The following RGS11 variants were observed in gnomAD, a reference collection of about 807,000 sequenced individuals.
RGS11 encodes the protein regulator of G-protein signaling 11.
RGS11 carries 86 observed loss-of-function variants against 71.1 expected under a neutral mutation model. The observed-to-expected ratio is 1.21, with a 90% confidence interval of 1.02 to 1.45. The LOEUF is 1.45. Among genes scored for constraint, RGS11 ranks in the 40% most tolerant of loss-of-function variants. The pLI is 0.00. For missense variants in RGS11, 734 were observed against 635.1 expected (o/e 1.16, Z -1.67); for synonymous variants, 298 against 254.2 (o/e 1.17, Z -1.64).
Position 271,388 on chromosome 16 carries a change from A to T in RGS11, c.749+11T>A. ...CAGGGGTCTCCAGCTGCCACCCCTC[A>T]CCCCACTCACGCCTCAAGGCAGACG... On this transcript the variant is annotated intron_variant, in intron 11 of 16. Coordinates refer to ENST00000397770, the MANE Select transcript of RGS11 (RefSeq NM_183337.3). 6.2e-7 allele frequency: 1 copy of T among 1,613,130 alleles called. No individual in the cohort carries two copies. Among genetic ancestry groups the T allele is most frequent in the Non-Finnish European group, 8.5e-7 (1 of 1,179,914 alleles).
At chr16:272,609 C>T in intron 9 of RGS11, 1 of 1,454,536 alleles carries the variant, frequency 6.9e-7, no homozygotes, top group Non-Finnish European at 9.1e-7. Flanking sequence ...CCCTTCCTCC[C>T]CGCCAGCCCC....
chr16:274,359 G>T, intron 4 of RGS11, 94 bp from the exon 5 acceptor site: 2 of 1,400,488 alleles, frequency 1.4e-6, no homozygotes, highest in Non-Finnish European at 2.0e-6. Flanking sequence ...AGAAGCCTGG[G>T]CTGGGCAGGA....
chr16:274,386 C>T (rs2052073737), intron 4 of RGS11, 121 bp from the exon 5 acceptor site: 3 of 1,034,440 alleles, frequency 2.9e-6, no homozygotes, highest in African/African-American at 3.2e-5. Flanking sequence ...TGAGGATCTC[C>T]CTGCCTGCCC....
chr16:271,496 G>A, intron 10 of RGS11, 36 bp from the exon 11 acceptor site: 2 of 1,613,992 alleles, frequency 1.2e-6, no homozygotes, highest in Non-Finnish European at 8.5e-7. Flanking sequence ...GTCCCGGGCT[G>A]GGGAAGGCAC....
At chr16:274,368 G>T in intron 4 of RGS11, 103 bp from the exon 5 acceptor site, 4 of 1,250,732 alleles carry the variant, frequency 3.2e-6, no homozygotes, top group Non-Finnish European at 4.5e-6. Context: ...GGCTGGGCAG[G>T]AGGTGTCTGA....
Position 274,042 on chromosome 16 carries a change from CCTT to C in RGS11, c.427_429del (p.Lys143del). On this transcript the variant is annotated inframe_deletion and splice_region_variant, in exon 6 of 17. Transcript: ENST00000397770. ...GGGGCGGGAAGGGTGGGGGGTCCCA[CCTT>C]CTCATAATCCACCAGGGTCCCCCGT... 1 of 1,550,302 alleles carries C rather than the reference CCTT, an allele frequency of 6.5e-7. No individual in the cohort carries two copies. Among genetic ancestry groups the C allele is most frequent in the Non-Finnish European group, 8.7e-7 (1 of 1,147,018 alleles).
At chr16:269,451 C>T (rs1470037721) in intron 16 of RGS11, 52 bp downstream of exon 16, 4 of 1,597,278 alleles carry the variant, frequency 2.5e-6, no homozygotes, top group East Asian at 4.5e-5. Flanking sequence ...CTGCAGGGCC[C>T]CAGCAGCCCC....
intron 9 of RGS11, chr16:272,191 G>T: frequency 8.6e-7 from 1 of 1,168,298 alleles, no homozygotes; most frequent in Non-Finnish European, 1.1e-6. Context: ...ACACATACTT[G>T]AGAAATACTA....
At chr16:271,148 C>T (rs111665551) in intron 12 of RGS11, 49 bp from the exon 13 acceptor site, 14 of 1,598,744 alleles carry the variant, frequency 8.8e-6, no homozygotes, top group South Asian at 6.6e-5. Context: ...GACCCTCCTG[C>T]GTCCCCCCAG....
At chr16:269,425 T>A (rs1458973772) in intron 16 of RGS11, 42 bp from the exon 17 acceptor site, 1 of 1,586,598 alleles carries the variant, frequency 6.3e-7, no homozygotes, top group Non-Finnish European at 8.6e-7. Context: ...GGCCAGCTGG[T>A]GTCCTGCCCA....
chr16:271,831 ATT>A (rs113390493), intron 9 of RGS11: 1 of 529,972 alleles, frequency 1.9e-6, no homozygotes, highest in African/African-American at 1.9e-5. Flanking sequence ...GTAATATGTC[ATT>A]TTTTTTTCTT....
chr16:275,456 C>A lies in RGS11; in HGVS notation c.106G>T (p.Val36Leu). The A allele has an allele frequency of 6.3e-7, 1 of 1,594,954 alleles. No homozygotes were observed. The highest frequency in any genetic ancestry group is 8.5e-7 in the Non-Finnish European group (1 of 1,177,486). Residue 36 changes from valine (V) to leucine (L), a missense_variant, in exon 2 of 17, where the codon GTG becomes TTG. Physicochemically the swap from Val to Leu is conservative, Grantham distance 32. Transcript: ENST00000397770. ...AGCAGGCGCTGGCTCCGCATCTTCA[C>A]GCCCTGGTCGGGGTCCTGCATGCTC... is the stretch of plus-strand genomic sequence containing the variant. ...VVSMQDPDQG[V>L]KMRSQRLLVT... is the part of the protein sequence containing the mutation.
chr16:274,726 C>T (rs1295434653), intron 4 of RGS11: 2 of 698,448 alleles, frequency 2.9e-6, no homozygotes, highest in Non-Finnish European at 2.6e-6. Flanking sequence ...CATACGACCC[C>T]TTGTGGGGCC....
chr16:272,894 C>T lies in RGS11; in HGVS notation c.626G>A (p.Arg209Gln), dbSNP rs78915251. 2.5e-5 allele frequency: 39 copies of T among 1,531,774 alleles called. No homozygotes were observed. The highest frequency in any genetic ancestry group is 1.5e-4 in the African/African-American group (11 of 72,794). 94.9% of individuals were successfully genotyped at this position (1,531,774 alleles called of 1,614,324 possible). Reference protein sequence around the residue: ...APDVLEQGPGRGSCAASRVLM... With the variant: ...APDVLEQGPGQGSCAASRVLM... ...CACACGGCTGGCAGCGCAGGATCCC[C>T]GCCCTGGACCCTGCTCCAGCACATC... The change falls in exon 9 of 17, where the codon CGG becomes CAG. Residue 209 changes from arginine to glutamine, a missense_variant. Coordinates refer to ENST00000397770, the MANE Select transcript of RGS11 (RefSeq NM_183337.3).
chr16:275,260 C>T (rs2052117265), intron 3 of RGS11, 23 bp downstream of exon 3: 2 of 1,612,210 alleles, frequency 1.2e-6, no homozygotes, highest in Non-Finnish European at 1.7e-6. Context: ...ACCCCAGGGC[C>T]CAGTGGGAGG....
chr16:275,385 G>C lies in RGS11; in HGVS notation c.160+17C>G, dbSNP rs772237005. 6.2e-7 allele frequency: 1 copy of C among 1,608,680 alleles called. No homozygotes were observed. Among genetic ancestry groups the C allele is most frequent in the Admixed American group, 1.7e-5 (1 of 59,932 alleles). ...GAGGCCGAGGCGCGCACGCACCCCC[G>C]CCCCGGCGCGCCTCACCTGTCACCG... On this transcript the variant is annotated intron_variant, in intron 2 of 16. Transcript: ENST00000397770.
At chr16:270,126 G>A (rs1023227961) in intron 15 of RGS11, among the ~76,000 whole-genome samples, 6 of 152,118 alleles carry the variant, frequency 3.9e-5, no homozygotes, top group Non-Finnish European at 5.9e-5. Context: ...GCGGGCGCCT[G>A]TAGTCCCAGC....
At chr16:275,756 C>A (rs2141432359) in intron 1 of RGS11, 93 bp downstream of exon 1, 1 of 236,356 alleles carries the variant, frequency 4.2e-6, no homozygotes, top group South Asian at 2.3e-4. Context: ...CCCGCCCCGC[C>A]CCGCGCGCCC....
At position 275,437 on chromosome 16, in the gene RGS11, C is replaced by T. The variant is rs1356211955; in HGVS notation, c.125G>A (p.Arg42His). Residue 42 changes from arginine to histidine, a missense_variant, in exon 2 of 17, where the codon CGC becomes CAC. Physicochemically the swap from Arg to His is conservative, Grantham distance 29. Transcript: ENST00000397770. Reference protein sequence around the residue: ...PDQGVKMRSQRLLVTVIPHAV... With the variant: ...PDQGVKMRSQHLLVTVIPHAV... ...GTGGGGAATGACGGTGACCAGCAGG[C>T]GCTGGCTCCGCATCTTCACGCCCTG... The T allele has an allele frequency of 6.2e-7, 1 of 1,600,018 alleles. No homozygotes were observed. The highest frequency in any genetic ancestry group is 8.5e-7 in the Non-Finnish European group (1 of 1,178,716).
Sources: gnomAD v4.1 joint callset for allele counts (sites outside exome capture counted in the v4.1 genomes callset) on GRCh38, gnomAD v4.1.1 for gene constraint, MANE v1.5 for transcripts, NCBI Gene and HGNC (gene_info 2026-07-23, HGNC 2026-07-21) for gene names.